The following DDA1 variants were observed in gnomAD, a reference collection of about 807,000 sequenced individuals.
DDA1 encodes DET1- and DDB1-associated protein 1.
In DDA1, 3 loss-of-function variants were observed where a neutral mutation model predicts 18.6. That is an observed-to-expected ratio of 0.16 (90% confidence interval 0.07 to 0.42). DDA1 has a LOEUF of 0.42. Among genes scored for constraint, DDA1 ranks in the 10% least tolerant of loss-of-function variants. The pLI, the probability that DDA1 is intolerant of heterozygous loss-of-function variation, is 0.99. For synonymous variants in DDA1, 52 were observed against 54.0 expected (o/e 0.96, Z 0.17); for missense variants, 105 against 138.2 (o/e 0.76, Z 1.20).
Position 17,314,296 on chromosome 19 carries a change from C to T in DDA1, c.85-42C>T. 6.2e-7 allele frequency: 1 copy of T among 1,612,652 alleles called. No homozygotes were observed. The highest frequency in any genetic ancestry group is 1.1e-5 in the South Asian group (1 of 91,036). On this transcript the variant is annotated intron_variant, in intron 2 of 4. Coordinates refer to ENST00000359866, the MANE Select transcript of DDA1 (RefSeq NM_024050.6). This position sits in a 1 kb window ranked among gnomAD's most constrained non-coding sequence, Gnocchi z 4.6. Reference sequence around the variant, plus strand: ...GTGGAGGGATGAGGAGACCCCAGGCCCATGCACTCTCCTAACCCACCCCTT... The same window carrying T: ...GTGGAGGGATGAGGAGACCCCAGGCTCATGCACTCTCCTAACCCACCCCTT...
intron 4 of DDA1, among the ~76,000 whole-genome samples, chr19:17,318,675 T>A (rs1357634567): frequency 1.3e-5 from 2 of 151,808 alleles, no homozygotes; most frequent in African/African-American, 4.8e-5. Context: ...CCTTCTTTTT[T>A]TTTTTGGAGA....
intron 4 of DDA1, among the ~76,000 whole-genome samples, chr19:17,318,124 C>T (rs889644281): frequency 1.3e-5 from 2 of 152,072 alleles, no homozygotes; most frequent in Non-Finnish European, 2.9e-5. Context: ...CTGTAACCTC[C>T]TCCTCCCAGT....
chr19:17,314,609 G>A lies in DDA1; in HGVS notation c.136+220G>A. On this transcript the variant is annotated intron_variant, in intron 3 of 4. Coordinates refer to ENST00000359866, the MANE Select transcript of DDA1 (RefSeq NM_024050.6). The surrounding 1 kb of genome is among the most constrained non-coding windows in gnomAD (Gnocchi z 4.6). ...TCAGCCTGGGGATGCACACGTGGAT[G>A]CCTGTCCACTCCCAGCCCCTGGGGA... 1 of 588,638 alleles carries A rather than the reference G, an allele frequency of 1.7e-6. No individual in the cohort carries two copies. Among genetic ancestry groups the A allele is most frequent in the East Asian group, 2.9e-5 (1 of 34,076 alleles). 36.5% of individuals were successfully genotyped at this position (588,638 alleles called of 1,614,324 possible).
At position 17,314,028 on chromosome 19, in the gene DDA1, T is replaced by G. The variant is rs968062233; in HGVS notation, c.9T>G (p.Asp3Glu). Residue 3 changes from aspartate to glutamate, a missense_variant, in exon 2 of 5, where the codon GAT (aspartate) becomes GAG (glutamate). Physicochemically the swap from Asp to Glu is conservative, Grantham distance 45. This residue lies in a region of DDA1 where 43 missense variants were observed against 82.3 expected (regional missense o/e 0.52). Transcript: ENST00000359866. The surrounding 1 kb of genome is among the most constrained non-coding windows in gnomAD (Gnocchi z 4.6). ...CCATCTTCCATGTCTTCTAGGCAGA[T>G]TTTTTGAAAGGACTGCCTGTCTACA... MA[D>E]FLKGLPVYNK... 3.1e-6 allele frequency: 5 copies of G among 1,613,956 alleles called. No homozygotes were observed. The highest frequency in any genetic ancestry group is 4.2e-6 in the Non-Finnish European group (5 of 1,179,848).
At chr19:17,312,760 G>A (rs936727109) in intron 1 of DDA1, among the ~76,000 whole-genome samples, 2 of 152,210 alleles carry the variant, frequency 1.3e-5, no homozygotes, top group Non-Finnish European at 2.9e-5. Flanking sequence ...GTGCCCTGGT[G>A]CCTGCTAGGG....
rs372323395 is a variant in DDA1, at chr19:17,319,599, C to T, written c.252C>T (p.Ser84=). ...AAGTGGAGCTGGAAGGCGAGAGCTC[C>T]GCACCTCCCCGCAAGGTGGCGCGGA... The part of the protein sequence containing the change: ...QEQVELEGES[S]APPRKVARTD... The change falls in exon 5 of 5, where the codon TCC becomes TCT. Residue 84 remains serine (S), a synonymous_variant. Transcript: ENST00000359866. 3.9e-5 allele frequency: 61 copies of T among 1,579,722 alleles called. No individual in the cohort carries two copies. The highest frequency in any genetic ancestry group is 3.8e-4 in the African/African-American group (28 of 74,220).
chr19:17,315,201 ACACACGTG>A (rs1568353736), intron 3 of DDA1, among the ~76,000 whole-genome samples: 262 of 18,976 alleles, frequency 0.014, 56 homozygotes, highest in Middle Eastern at 0.026. Flanking sequence ...ACACGTGTAT[ACACACGTG>A]TATATACACA....
Position 17,315,939 on chromosome 19 carries a change from G to T in DDA1, c.142G>T (p.Val48Leu), listed in dbSNP as rs2074210927. The T allele has an allele frequency of 6.2e-7, 1 of 1,614,140 alleles. No individual in the cohort carries two copies. Among genetic ancestry groups the T allele is most frequent in the Non-Finnish European group, 8.5e-7 (1 of 1,180,016 alleles). Residue 48 changes from valine (V) to leucine (L), a missense_variant, in exon 4 of 5, where the codon GTG (valine) becomes TTG (leucine). Around this residue, in one of 2 missense-constraint regions of DDA1, gnomAD observed 43 missense variants for 82.3 expected, o/e 0.52. Transcript: ENST00000359866. ...TCTCTATCTTTCCTCCTTAGTCATCGTGACAGAAAAGACAAACATCCTCCT... is the reference window on the plus strand; with the variant it reads ...TCTCTATCTTTCCTCCTTAGTCATCTTGACAGAAAAGACAAACATCCTCCT... ...TREYPSEQII[V>L]TEKTNILLRY...
At chr19:17,317,034 G>A (rs2074216640) in intron 4 of DDA1, among the ~76,000 whole-genome samples, 1 of 152,096 alleles carries the variant, frequency 6.6e-6, no homozygotes, top group Middle Eastern at 3.4e-3. Flanking sequence ...AGACCAGCCT[G>A]GCCAGCATGG....
intron 3 of DDA1, 153 bp from the exon 4 acceptor site, chr19:17,315,781 C>A: frequency 1.3e-6 from 1 of 741,078 alleles, no homozygotes. Flanking sequence ...GGAGTAGCTG[C>A]GAGTGTGCTC....
At position 17,319,724 on chromosome 19, in the gene DDA1, G is replaced by A. The variant is rs1422212980; in HGVS notation, c.*68G>A. The A allele has an allele frequency of 6.3e-6, 9 of 1,439,548 alleles. No individual in the cohort carries two copies. Among genetic ancestry groups the A allele is most frequent in the African/African-American group, 1.4e-5 (1 of 70,834 alleles). 89.2% of individuals were successfully genotyped at this position (1,439,548 alleles called of 1,614,324 possible). A position where few individuals can be genotyped will look rare whatever the true frequency, so the allele number is the denominator to read the frequency against. ...GGTCGCCCACCCGCCTGCCCGCCAT[G>A]TGTAAGCACCCCGCCCGCCCGCCTC... On this transcript the variant is annotated 3_prime_UTR_variant, in exon 5 of 5. Transcript: ENST00000359866.
chr19:17,311,349 T>G (rs112258152), intron 1 of DDA1, among the ~76,000 whole-genome samples: 1,593 of 151,074 alleles, frequency 0.011, 25 homozygotes, highest in African/African-American at 0.037. Context: ...TAGAGACAGG[T>G]TTTCACCATA....
intron 3 of DDA1, among the ~76,000 whole-genome samples, chr19:17,315,188 CACACACGTGTATACACACGTGT>C (rs2074199718): frequency 4.6e-5 from 1 of 21,740 alleles, no homozygotes; most frequent in African/African-American, 4.5e-4. Flanking sequence ...CACGTGTATA[CACACACGTGTATACACACGTGT>C]ATATACACAC....
intron 3 of DDA1, chr19:17,315,674 A>G: frequency 1.8e-6 from 1 of 550,110 alleles, no homozygotes. Context: ...GGAGAAACAT[A>G]GGCATGAGAG....
chr19:17,311,077 A>G (rs1286433696), intron 1 of DDA1, among the ~76,000 whole-genome samples: 2 of 152,046 alleles, frequency 1.3e-5, no homozygotes, highest in African/African-American at 4.8e-5. Flanking sequence ...GCTGGTCTCA[A>G]ACTCCTGGGC....
intron 1 of DDA1, among the ~76,000 whole-genome samples, chr19:17,311,386 A>T (rs1472274339): frequency 1.3e-5 from 2 of 151,560 alleles, no homozygotes. Context: ...TGAACTCCTG[A>T]CCTTGTGATC....
At chr19:17,315,243 A>ATATACACACACGTG (rs1462578962) in intron 3 of DDA1, among the ~76,000 whole-genome samples, 2 of 79,744 alleles carry the variant, frequency 2.5e-5, no homozygotes, top group South Asian at 3.3e-4. Flanking sequence ...ACACACGTGT[A>ATATACACACACGTG]TATACACACA....
rs1488944964 is a variant in DDA1, at chr19:17,316,095, A to G, written c.198+100A>G. ...CAGGAAGGACTCTAGTGATTGGAGC[A>G]GGGCCTTGAGGGCTGGGTAGGAGTG... On this transcript the variant is annotated intron_variant, in intron 4 of 4. Coordinates refer to ENST00000359866, the MANE Select transcript of DDA1 (RefSeq NM_024050.6). 1.2e-4 allele frequency: 158 copies of G among 1,342,896 alleles called. 1 individual carries two copies. The highest frequency in any genetic ancestry group is 4.0e-4 in the South Asian group (34 of 85,188). 83.2% of individuals were successfully genotyped at this position (1,342,896 alleles called of 1,614,324 possible). A position where few individuals can be genotyped will look rare whatever the true frequency, so the allele number is the denominator to read the frequency against.
At chr19:17,317,836 C>T (rs913868335) in intron 4 of DDA1, among the ~76,000 whole-genome samples, 4 of 152,100 alleles carry the variant, frequency 2.6e-5, no homozygotes, top group African/African-American at 7.2e-5. Context: ...CAGACTCTGT[C>T]TCTAGAAAAT....
Sources: gnomAD v4.1 joint callset for allele counts (sites outside exome capture counted in the v4.1 genomes callset) on GRCh38, gnomAD v4.1.1 for gene constraint, gnomAD v4.1.1 regional missense constraint, Gnocchi (gnomAD v3.1) non-coding constraint, MANE v1.5 for transcripts, NCBI Gene and HGNC (gene_info 2026-07-23, HGNC 2026-07-21) for gene names.